PTPRD: variants seen among roughly 807,000 people sequenced by gnomAD.
PTPRD encodes protein tyrosine phosphatase receptor type D, also known as receptor-type tyrosine-protein phosphatase delta.
Under a neutral mutation model 214.5 loss-of-function variants are expected in PTPRD, and 34 were observed. That is an observed-to-expected ratio of 0.16 (90% CI 0.12 to 0.21). The LOEUF is 0.21. Ranked by LOEUF, PTPRD falls within the 10% of genes least tolerant of loss-of-function variation. The pLI, the probability that PTPRD is intolerant of heterozygous loss-of-function variation, is 1.00. For missense variants in PTPRD, 2,545 were observed against 2,398.7 expected, an observed-to-expected ratio of 1.06 and a Z score of -1.27; for synonymous variants, 1,128 against 845.7, an observed-to-expected ratio of 1.33 and a Z score of -5.79.
rs2099591089 is a variant in PTPRD at position 10,227,007 on chromosome 9, T to C, written c.-545+113956A>G. ...TGAAATATAAACGACGTTGGCAAAA[T>C]TATCAAAACTCTGCCCCATCAACAA... On this transcript the variant is annotated intron_variant, in intron 3 of 45. Coordinates refer to ENST00000381196, the MANE Select transcript of PTPRD (RefSeq NM_002839.4). Among the ~76,000 whole-genome samples the C allele has an allele frequency of 2.0e-5, 3 of 152,116 alleles. No individual in the cohort carries two copies. The South Asian group carries it at 6.2e-4, about 32-fold the overall frequency.
intron 7 of PTPRD, among the ~76,000 whole-genome samples, chr9:9,598,001 G>A (rs1385971699): frequency 6.6e-6 from 1 of 151,904 alleles, no homozygotes; most frequent in Non-Finnish European, 1.5e-5. Context: ...CATGTATCCT[G>A]ATTAAAGACC....
At chr9:10,194,156 T>C (rs2099386442) in intron 3 of PTPRD, among the ~76,000 whole-genome samples, 1 of 152,078 alleles carries the variant, frequency 6.6e-6, no homozygotes, top group African/African-American at 2.4e-5. Context: ...ACTTAGCTTA[T>C]CATTGATGCC....
intron 2 of PTPRD, among the ~76,000 whole-genome samples, chr9:10,611,380 A>G (rs2080924363): frequency 6.6e-6 from 1 of 152,174 alleles, no homozygotes; most frequent in South Asian, 2.1e-4. Context: ...CTGAAATGTT[A>G]TTGATTCTCT....
At chr9:9,924,560 A>G (rs934770587) in intron 5 of PTPRD, among the ~76,000 whole-genome samples, 4 of 151,636 alleles carry the variant, frequency 2.6e-5, no homozygotes, top group African/African-American at 9.7e-5. Flanking sequence ...TCCTTGCCCG[A>G]AACACTTTCC....
At chr9:9,105,890 C>T (rs1474263373) in intron 10 of PTPRD, among the ~76,000 whole-genome samples, 5 of 152,150 alleles carry the variant, frequency 3.3e-5, no homozygotes, top group Admixed American at 6.5e-5. Flanking sequence ...TACTTAGCTA[C>T]GACTCCACCC....
At chr9:8,481,139 C>CAAAAAAAAAAAA (rs34451513) in intron 30 of PTPRD, among the ~76,000 whole-genome samples, 2 of 39,430 alleles carry the variant, frequency 5.1e-5, no homozygotes, top group Non-Finnish European at 9.1e-5. Flanking sequence ...GACTCCGTCT[C>CAAAAAAAAAAAA]AAAAAAAAAA....
At chr9:8,340,979 C>G (rs1330274814) in intron 41 of PTPRD, 111 bp downstream of exon 41, 2 of 1,097,938 alleles carry the variant, frequency 1.8e-6, no homozygotes, top group African/African-American at 3.2e-5. Context: ...AAATGATGAC[C>G]TATGCAGAAA....
At chr9:9,326,492 T>C (rs780256280) in intron 9 of PTPRD, among the ~76,000 whole-genome samples, 10 of 152,190 alleles carry the variant, frequency 6.6e-5, no homozygotes, top group African/African-American at 1.9e-4. Context: ...TTTTCTATGA[T>C]TGCAAAGCTA....
intron 5 of PTPRD, among the ~76,000 whole-genome samples, chr9:9,909,950 AC>A (rs1311899010): frequency 6.6e-6 from 1 of 152,000 alleles, no homozygotes; most frequent in African/African-American, 2.4e-5. Flanking sequence ...AGGCATGCAT[AC>A]AAATGACAAA....
At position 9,777,468 on chromosome 9, in the gene PTPRD, G is replaced by A. The variant is rs936128709; in HGVS notation, c.-367-10617C>T. ...CCAGCCATTTGGGAGGCCGAGGTAG[G>A]TGGATCACTTGAGCCCAAGAGTTTG... is the stretch of plus-strand genomic sequence containing the variant. On this transcript the variant is annotated intron_variant, in intron 5 of 45. Coordinates refer to ENST00000381196, the MANE Select transcript of PTPRD (RefSeq NM_002839.4). Among the ~76,000 whole-genome samples the A allele has an allele frequency of 6.6e-5, 10 of 152,266 alleles. 1 individual carries two copies. The South Asian group carries it at 8.3e-4, about 13-fold the overall frequency.
At chr9:8,895,000 G>A (rs2098596662) in intron 11 of PTPRD, among the ~76,000 whole-genome samples, 1 of 152,190 alleles carries the variant, frequency 6.6e-6, no homozygotes, top group Non-Finnish European at 1.5e-5. Context: ...GCAATGCAGT[G>A]CTGTCTTTTG....
chr9:9,525,547 A>G (rs1423605995), intron 8 of PTPRD, among the ~76,000 whole-genome samples: 1 of 152,210 alleles, frequency 6.6e-6, no homozygotes, highest in African/African-American at 2.4e-5. Context: ...ATAAATTATT[A>G]ATAATACTAA....
chr9:8,776,528 GC>G (rs2154490617), intron 11 of PTPRD, among the ~76,000 whole-genome samples: 1 of 84,426 alleles, frequency 1.2e-5, no homozygotes, highest in South Asian at 4.6e-4. Flanking sequence ...GAACTCCTGG[GC>G]TCAAGCGATC....
intron 5 of PTPRD, among the ~76,000 whole-genome samples, chr9:9,792,248 T>A (rs1021497637): frequency 6.6e-6 from 1 of 152,280 alleles, no homozygotes; most frequent in Non-Finnish European, 1.5e-5. Flanking sequence ...TAGTACTGCA[T>A]GTTATTTAAT....
chr9:9,724,298 G>C (rs1441445391), intron 7 of PTPRD, among the ~76,000 whole-genome samples: 1 of 152,114 alleles, frequency 6.6e-6, no homozygotes, highest in South Asian at 2.1e-4. Context: ...ATTTGAAATA[G>C]TCATTCAAGG....
chr9:10,015,496 T>C (rs191634267), intron 4 of PTPRD, among the ~76,000 whole-genome samples: 1 of 152,234 alleles, frequency 6.6e-6, no homozygotes, highest in East Asian at 1.9e-4. Flanking sequence ...CAACTGACAA[T>C]TGAGCTCTGA....
intron 8 of PTPRD, among the ~76,000 whole-genome samples, chr9:9,566,380 G>C (rs1269854012): frequency 6.6e-6 from 1 of 151,884 alleles, no homozygotes; most frequent in Admixed American, 6.6e-5. Context: ...TTACTCAAGA[G>C]CACAGCAATA....
chr9:10,073,764 CA>C (rs1476184551), intron 3 of PTPRD, among the ~76,000 whole-genome samples: 1 of 152,044 alleles, frequency 6.6e-6, no homozygotes, highest in Non-Finnish European at 1.5e-5. Context: ...CTCTTATTGA[CA>C]AGGGCCAGAT....
intron 8 of PTPRD, among the ~76,000 whole-genome samples, chr9:9,428,249 A>C (rs558239808): frequency 6.3e-4 from 96 of 152,332 alleles, no homozygotes; most frequent in African/African-American, 2.2e-3. Context: ...AAAAAAAAGC[A>C]GGGATTGCAA....
Sources: gnomAD v4.1 joint callset for allele counts (sites outside exome capture counted in the v4.1 genomes callset) on GRCh38, gnomAD v4.1.1 for gene constraint, MANE v1.5 for transcripts, NCBI Gene and HGNC (gene_info 2026-07-23, HGNC 2026-07-21) for gene names.